Variants in TESK2 observed in about 807,000 individuals in gnomAD.
TESK2 encodes the protein testis associated actin remodelling kinase 2.
In TESK2, 39 loss-of-function variants were observed where a neutral mutation model predicts 57.1. The observed-to-expected ratio is 0.68, with a 90% CI of 0.53 to 0.89. The LOEUF is 0.89. TESK2 is among the 40% of genes least tolerant of loss of function. The pLI is 0.00. For synonymous variants in TESK2, 249 were observed against 267.9 expected, an observed-to-expected ratio of 0.93 and a Z score of 0.69; for missense variants, 646 against 732.1, an observed-to-expected ratio of 0.88 and a Z score of 1.36.
intron 2 of TESK2, among the ~76,000 whole-genome samples, chr1:45,450,436 C>T (rs564785053): frequency 6.6e-6 from 1 of 152,052 alleles, no homozygotes; most frequent in Admixed American, 6.6e-5. Context: ...TGCTTAAACC[C>T]GGGAGGTCGA....
intron 2 of TESK2, among the ~76,000 whole-genome samples, chr1:45,436,942 C>T (rs1039396244): frequency 1.1e-4 from 17 of 152,112 alleles, no homozygotes; most frequent in African/African-American, 3.9e-4. Context: ...GAACTACAGG[C>T]ATGTGCCATC....
chr1:45,375,667 G>GT (rs1648390330), intron 4 of TESK2, among the ~76,000 whole-genome samples: 1 of 152,086 alleles, frequency 6.6e-6, no homozygotes, highest in Non-Finnish European at 1.5e-5. Context: ...AGAGGCCAAG[G>GT]TGGGAGGATC....
rs35459050 is a variant in TESK2, at chr1:45,394,323, C to CTT, written c.345-8365_345-8364dup. Among the ~76,000 whole-genome samples the CTT allele has an allele frequency of 1.4e-3, 166 of 115,110 alleles. 1 individual carries two copies. Among genetic ancestry groups the CTT allele is most frequent in the African/African-American group, 4.9e-3 (142 of 29,006 alleles). 75.5% of individuals were successfully genotyped at this position (115,110 alleles called of 152,430 possible). Reference sequence around the variant, plus strand: ...GACTACAGGCACACACCACAGCTGGCTTTTTTTTTTTTTTTTTTTTTGGTA... The same window carrying CTT: ...GACTACAGGCACACACCACAGCTGGCTTTTTTTTTTTTTTTTTTTTTTTGGTA... On this transcript the variant is annotated intron_variant, in intron 3 of 10. Transcript: ENST00000372086.
intron 2 of TESK2, among the ~76,000 whole-genome samples, chr1:45,436,063 G>A (rs909161832): frequency 6.6e-6 from 1 of 151,608 alleles, no homozygotes; most frequent in African/African-American, 2.4e-5. Flanking sequence ...GTAGTATGAT[G>A]CCTCCAGCTT....
chr1:45,480,105 T>A (rs548829011), intron 1 of TESK2, among the ~76,000 whole-genome samples: 4 of 150,980 alleles, frequency 2.6e-5, no homozygotes, highest in African/African-American at 9.7e-5. Flanking sequence ...ATTATAGGCG[T>A]GAGCCACCAC....
Position 45,443,393 on chromosome 1 carries a change from C to T in TESK2, c.222+14171G>A, listed in dbSNP as rs529418919. Among the ~76,000 whole-genome samples the T allele has an allele frequency of 3.3e-4, 49 of 149,758 alleles. No homozygotes were observed. In the South Asian group the frequency reaches 0.01, roughly 31 times the overall value. ...CAGCCTGGCCAACATGGCAAAACCC[C>T]ATCTCTACTAAAAAATACAAAAAAA... On this transcript the variant is annotated intron_variant, in intron 2 of 10. Coordinates refer to ENST00000372086, the MANE Select transcript of TESK2 (RefSeq NM_007170.3).
chr1:45,428,275 G>C (rs757204353), intron 2 of TESK2, among the ~76,000 whole-genome samples: 1 of 152,014 alleles, frequency 6.6e-6, no homozygotes, highest in Admixed American at 6.6e-5. Context: ...TCTCAAGATC[G>C]TACATCTATT....
chr1:45,394,204 A>G (rs1052168188), intron 3 of TESK2, among the ~76,000 whole-genome samples: 1 of 151,908 alleles, frequency 6.6e-6, no homozygotes, highest in Non-Finnish European at 1.5e-5. Flanking sequence ...GCGGTGGCAC[A>G]GTGCAATAGT....
intron 2 of TESK2, among the ~76,000 whole-genome samples, chr1:45,438,671 T>C (rs1270140911): frequency 6.6e-6 from 1 of 152,188 alleles, no homozygotes; most frequent in Non-Finnish European, 1.5e-5. Context: ...ATTAGTTATT[T>C]TCCCTGATCC....
chr1:45,354,786 C>CAAAA (rs869075485), intron 5 of TESK2, among the ~76,000 whole-genome samples: 7 of 43,320 alleles, frequency 1.6e-4, no homozygotes, highest in African/African-American at 3.7e-4. Context: ...GAGACCGTCT[C>CAAAA]AAAAAAAAAA....
In TESK2 at chr1:45,489,135, G is replaced by GAA. The variant is rs34912233; in HGVS notation, c.-87+1715_-87+1716dup. Among the ~76,000 whole-genome samples, 81 of 134,250 alleles carry GAA rather than the reference G, an allele frequency of 6.0e-4. 1 individual carries two copies. Among genetic ancestry groups the GAA allele is most frequent in the Admixed American group, 1.2e-3 (16 of 13,586 alleles). 88.1% of individuals were successfully genotyped at this position (134,250 alleles called of 152,430 possible). On this transcript the variant is annotated intron_variant, in intron 1 of 10. Coordinates refer to ENST00000372086, the MANE Select transcript of TESK2 (RefSeq NM_007170.3). ...GACAGAGTGAGACCCTGACACCAAA[G>GAA]AAAAAAAAAAAAAAGCTTCTTAACT...
chr1:45,366,350 G>A (rs961849003), intron 4 of TESK2, among the ~76,000 whole-genome samples: 1 of 152,130 alleles, frequency 6.6e-6, no homozygotes, highest in Non-Finnish European at 1.5e-5. Context: ...GCCTCCCAAA[G>A]TGTTGGGATT....
chr1:45,360,288 G>C (rs983494862), intron 4 of TESK2, among the ~76,000 whole-genome samples: 2 of 152,136 alleles, frequency 1.3e-5, no homozygotes, highest in African/African-American at 4.8e-5. Context: ...CATGCAGGCA[G>C]ATTTCTTTAG....
At chr1:45,481,195 C>T (rs1479853175) in intron 1 of TESK2, among the ~76,000 whole-genome samples, 1 of 151,850 alleles carries the variant, frequency 6.6e-6, no homozygotes, top group African/African-American at 2.4e-5. Flanking sequence ...GAAACCCCAT[C>T]TCCACTAAAA....
intron 3 of TESK2, among the ~76,000 whole-genome samples, chr1:45,401,437 A>T (rs983679246): frequency 4.6e-5 from 7 of 151,876 alleles, no homozygotes; most frequent in South Asian, 4.2e-4. Context: ...AATAAAAATT[A>T]AAAAAACACT....
intron 2 of TESK2, among the ~76,000 whole-genome samples, chr1:45,425,366 T>C (rs1557568505): frequency 6.6e-6 from 1 of 152,080 alleles, no homozygotes; most frequent in Non-Finnish European, 1.5e-5. Flanking sequence ...AAAAGAGCTC[T>C]AAAAGGCCAG....
chr1:45,385,974 C>T lies in TESK2; in HGVS notation c.345-14G>A. The T allele has an allele frequency of 1.3e-6, 2 of 1,592,360 alleles. No individual in the cohort carries two copies. The highest frequency in any genetic ancestry group is 1.7e-6 in the Non-Finnish European group (2 of 1,164,834). The stretch of plus-strand genomic sequence containing the variant: ...ACACCCATGAACCTAAAGAACAAGA[C>T]AGAATTATTTAACAAGTGAAAAGGA... On this transcript the variant is annotated splice_polypyrimidine_tract_variant and intron_variant, in intron 3 of 10. Transcript: ENST00000372086.
chr1:45,402,709 C>G (rs565965183), intron 3 of TESK2, among the ~76,000 whole-genome samples: 1 of 151,744 alleles, frequency 6.6e-6, no homozygotes, highest in Admixed American at 6.6e-5. Context: ...CTCAAACTCC[C>G]GACTTCAGGT....
intron 4 of TESK2, among the ~76,000 whole-genome samples, chr1:45,362,586 G>A (rs1647730737): frequency 6.6e-6 from 1 of 152,138 alleles, no homozygotes. Context: ...ATTCAGAGAA[G>A]GTCTGGAGAA....
Sources: gnomAD v4.1 joint callset for allele counts (sites outside exome capture counted in the v4.1 genomes callset) on GRCh38, gnomAD v4.1.1 for gene constraint, MANE v1.5 for transcripts, NCBI Gene and HGNC (gene_info 2026-07-23, HGNC 2026-07-21) for gene names.